The following ZNF782 variants were observed in gnomAD, a reference collection of about 807,000 sequenced individuals.
ZNF782 encodes the protein zinc finger protein 782.
ZNF782 carries 12 observed loss-of-function variants against 13.0 expected under a neutral mutation model. The observed-to-expected ratio is 0.92, with a 90% CI of 0.59 to 1.50. ZNF782 has a LOEUF of 1.50. Among genes scored for constraint, ZNF782 ranks in the 40% most tolerant of loss-of-function variants. ZNF782 has a pLI of 0.00. For synonymous variants in ZNF782, 284 were observed against 283.0 expected, an observed-to-expected ratio of 1.00 and a Z score of -0.04; for missense variants, 770 against 822.9, an observed-to-expected ratio of 0.94 and a Z score of 0.79.
Position 96,854,392 on chromosome 9 carries a change from C to T in ZNF782, c.-566G>A, listed in dbSNP as rs1384835330. ...CACAAACTTCCCGCTTCCTCTCCCG[C>T]TTCCGGGCACAAACGCTGTCCTCCC... is the stretch of plus-strand genomic sequence containing the variant. On this transcript the variant is annotated 5_prime_UTR_variant, in exon 1 of 6. Coordinates refer to ENST00000481138, the MANE Select transcript of ZNF782 (RefSeq NM_001001662.3). 6.6e-6 allele frequency: 1 copy of T among 152,340 alleles called. No homozygotes were observed. The highest frequency in any genetic ancestry group is 1.5e-5 in the Non-Finnish European group (1 of 68,154). 9.4% of individuals were successfully genotyped at this position (152,340 alleles called of 1,614,324 possible).
intron 4 of ZNF782, among the ~76,000 whole-genome samples, chr9:96,831,881 C>T (rs981544263): frequency 2.6e-5 from 4 of 152,076 alleles, no homozygotes; most frequent in Non-Finnish European, 4.4e-5. Context: ...CTTTTACTTT[C>T]AATCTACCTA....
chr9:96,822,979 C>A lies in ZNF782; in HGVS notation c.245-3201G>T, dbSNP rs868157223. On this transcript the variant is annotated intron_variant, in intron 5 of 5. Transcript: ENST00000481138. ...TGCACAAAATACTTTTATATTTTGTCAGGGTCCCATGGTCATTTTAAAAAG... is the reference window on the plus strand; with the variant it reads ...TGCACAAAATACTTTTATATTTTGTAAGGGTCCCATGGTCATTTTAAAAAG... Among the ~76,000 whole-genome samples, 159 of 152,208 alleles carry A rather than the reference C, an allele frequency of 1.0e-3. 1 individual carries two copies. The highest frequency in any genetic ancestry group is 3.6e-3 in the African/African-American group (151 of 41,524).
chr9:96,831,001 C>G (rs922404527), intron 4 of ZNF782, among the ~76,000 whole-genome samples: 1 of 151,896 alleles, frequency 6.6e-6, no homozygotes, highest in Non-Finnish European at 1.5e-5. Flanking sequence ...CAGAAATTAC[C>G]CAATCTGAAC....
intron 4 of ZNF782, 148 bp downstream of exon 4, chr9:96,844,742 A>T: frequency 3.8e-6 from 4 of 1,048,898 alleles, no homozygotes; most frequent in South Asian, 1.5e-5. Context: ...ATTTTCTGTT[A>T]AGTATACCTC....
At chr9:96,834,265 T>G (rs1299356608) in intron 4 of ZNF782, among the ~76,000 whole-genome samples, 2 of 152,218 alleles carry the variant, frequency 1.3e-5, no homozygotes, top group Admixed American at 6.5e-5. Flanking sequence ...CGTGAGCTGA[T>G]GGTTTTATAA....
At chr9:96,927,346 A>G in the ZNF782 span, among the ~76,000 whole-genome samples, 1 of 151,976 alleles carries the variant, frequency 6.6e-6, no homozygotes, top group African/African-American at 2.4e-5. Context: ...ATTGTAAGCC[A>G]CTTTATGTTA....
In ZNF782 at chr9:96,818,400, T is replaced by C. The variant is rs1850253959; in HGVS notation, c.1623A>G (p.Lys541=). The change falls in exon 6 of 6, where the codon AAA becomes AAG. Residue 541 remains lysine (K), a synonymous_variant. Transcript: ENST00000481138. ...TGAGTTGTGATTTCTGACCGAAAGCTTTTCCACACTGATTACATTTGTAGG... is the reference window on the plus strand; with the variant it reads ...TGAGTTGTGATTTCTGACCGAAAGCCTTTCCACACTGATTACATTTGTAGG... ...EKPYKCNQCG[K]AFGQKSQLRG... 6.2e-7 allele frequency: 1 copy of C among 1,614,204 alleles called. No homozygotes were observed. Among genetic ancestry groups the C allele is most frequent in the Admixed American group, 1.7e-5 (1 of 60,034 alleles).
the ZNF782 span, chr9:96,889,627 C>T: frequency 4.6e-5 from 7 of 152,220 alleles, no homozygotes; most frequent in South Asian, 1.2e-3. Context: ...TCTCGAACTA[C>T]CGATCTCAGG....
Position 96,819,229 on chromosome 9 carries a change from T to A in ZNF782, c.794A>T (p.Asn265Ile), listed in dbSNP as rs1850313857. The change falls in exon 6 of 6, where the codon AAT becomes ATT. Residue 265 changes from asparagine (N) to isoleucine (I), a missense_variant. Physicochemically the swap from Asn to Ile is moderately radical, Grantham distance 149. Coordinates refer to ENST00000481138, the MANE Select transcript of ZNF782 (RefSeq NM_001001662.3). ...AAACTCATAGTGACTCTTCTCTGGA[T>A]TCATGTTCTGAGGAATAATAAAGGT... ...KSTFIIPQNM[N>I]PEKSHYEFND... The A allele has an allele frequency of 6.2e-7, 1 of 1,611,226 alleles. No homozygotes were observed. Among genetic ancestry groups the A allele is most frequent in the African/African-American group, 1.3e-5 (1 of 74,888 alleles).
chr9:96,876,964 AAAAAAAAAAGAAG>A (rs1851900409), upstream of ZNF782, among the ~76,000 whole-genome samples: 1 of 142,314 alleles, frequency 7.0e-6, no homozygotes, highest in African/African-American at 2.9e-5. Flanking sequence ...AAAAAAAAAA[AAAAAAAAAAGAAG>A]AAGAAGAAAA....
chr9:96,897,443 G>T, the ZNF782 span, among the ~76,000 whole-genome samples: 1 of 152,176 alleles, frequency 6.6e-6, no homozygotes, highest in African/African-American at 2.4e-5. Flanking sequence ...TGGAGAATCA[G>T]CACTCTTCTC....
chr9:96,826,480 C>T lies in ZNF782; in HGVS notation c.244+600G>A, dbSNP rs1180956355. Among the ~76,000 whole-genome samples, 3 of 152,216 alleles carry T rather than the reference C, an allele frequency of 2.0e-5. No homozygotes were observed. The East Asian group carries it at 5.8e-4, about 29-fold the overall frequency. On this transcript the variant is annotated intron_variant, in intron 5 of 5. Coordinates refer to ENST00000481138, the MANE Select transcript of ZNF782 (RefSeq NM_001001662.3). ...TGAGTTAGTGGGTGCAGCGCACCAG[C>T]ATGGCACATGTATACATATGTACTA...
At chr9:96,927,288 G>A in the ZNF782 span, among the ~76,000 whole-genome samples, 2 of 152,136 alleles carry the variant, frequency 1.3e-5, no homozygotes, top group Non-Finnish European at 2.9e-5. Context: ...TCTCAGAATG[G>A]ACGTGGGTTG....
intron 5 of ZNF782, among the ~76,000 whole-genome samples, chr9:96,821,060 T>C (rs1197488267): frequency 6.6e-6 from 1 of 152,238 alleles, no homozygotes; most frequent in African/African-American, 2.4e-5. Context: ...TTTATATTTA[T>C]TTATCATAGA....
chr9:96,899,946 T>A, the ZNF782 span, among the ~76,000 whole-genome samples: 1 of 151,684 alleles, frequency 6.6e-6, no homozygotes, highest in Non-Finnish European at 1.5e-5. Flanking sequence ...ACTATAGGTG[T>A]GTGCCACCAC....
chr9:96,879,226 C>T (rs1851932742), upstream of ZNF782, among the ~76,000 whole-genome samples: 1 of 152,198 alleles, frequency 6.6e-6, no homozygotes, highest in Non-Finnish European at 1.5e-5. Flanking sequence ...CAGTGGCTCA[C>T]GCCTATAATC....
the ZNF782 span, among the ~76,000 whole-genome samples, chr9:96,914,375 C>T: frequency 1.3e-5 from 2 of 151,482 alleles, no homozygotes; most frequent in Admixed American, 6.6e-5. Context: ...CCGCCTTGGC[C>T]TCCCAAGGTG....
At chr9:96,930,395 G>A in the ZNF782 span, among the ~76,000 whole-genome samples, 1 of 152,060 alleles carries the variant, frequency 6.6e-6, no homozygotes. Context: ...ATGGTGGCGG[G>A]AGCCTGTAAT....
chr9:96,899,623 T>C, the ZNF782 span, among the ~76,000 whole-genome samples: 1 of 152,218 alleles, frequency 6.6e-6, no homozygotes, highest in Non-Finnish European at 1.5e-5. Context: ...CTGGTATTCC[T>C]GTCTCTTCTC....
Sources: allele counts gnomAD v4.1 joint callset (sites outside exome capture counted in the v4.1 genomes callset), GRCh38; gene constraint gnomAD v4.1.1; transcripts MANE v1.5; gene names NCBI Gene and HGNC (gene_info 2026-07-23, HGNC 2026-07-21).